PCDH15: variants seen among roughly 807,000 people sequenced by gnomAD.
The protein encoded by PCDH15 is protocadherin related 15, also known as protocadherin-15.
PCDH15 carries 129 observed loss-of-function variants against 178.5 expected under a neutral mutation model. The ratio of observed to expected loss-of-function variants is 0.72; its 90% CI spans 0.63 to 0.84. The LOEUF (loss-of-function observed/expected upper bound fraction) is 0.84. Among genes scored for constraint, PCDH15 ranks in the 40% least tolerant of loss-of-function variants. The pLI is 0.00. For missense variants in PCDH15, 2,230 were observed against 2,099.9 expected (o/e 1.06, Z -1.21); for synonymous variants, 800 against 732.0 (o/e 1.09, Z -1.50).
intron 13 of PCDH15, among the ~76,000 whole-genome samples, chr10:54,170,792 G>A (rs1177022312): frequency 7.2e-5 from 11 of 151,836 alleles, no homozygotes; most frequent in South Asian, 2.1e-4. Flanking sequence ...GGCAGGTTAT[G>A]CTATAGTACA....
chr10:54,280,255 T>C lies in PCDH15; in HGVS notation c.876+37016A>G, dbSNP rs377462101. ...TATTCATGTGGCTTCTGTGATTTTG[T>C]TAAACATTAATTAACAAAATTTCTA... is the stretch of plus-strand genomic sequence containing the variant. On this transcript the variant is annotated intron_variant, in intron 8 of 37. Coordinates refer to ENST00000644397, the MANE Select transcript of PCDH15 (RefSeq NM_001384140.1). Among the ~76,000 whole-genome samples the C allele has an allele frequency of 1.8e-4, 27 of 150,758 alleles. No homozygotes were observed. The East Asian group carries it at 4.5e-3, about 25-fold the overall frequency.
At chr10:55,533,043 T>C (rs1841488459) in intron 2 of PCDH15, among the ~76,000 whole-genome samples, 1 of 128,784 alleles carries the variant, frequency 7.8e-6, no homozygotes, top group Non-Finnish European at 1.6e-5. Context: ...AAATGAACAC[T>C]TGTCAAAGTA....
intron 1 of PCDH15, among the ~76,000 whole-genome samples, chr10:55,305,130 G>A (rs1209231587): frequency 6.6e-6 from 1 of 152,218 alleles, no homozygotes; most frequent in South Asian, 2.1e-4. Flanking sequence ...TGAACATTCT[G>A]ATCTATCTAT....
At chr10:54,278,650 A>G (rs1221875720) in intron 8 of PCDH15, among the ~76,000 whole-genome samples, 1 of 151,564 alleles carries the variant, frequency 6.6e-6, no homozygotes, top group Non-Finnish European at 1.5e-5. Context: ...GTATTTCTGA[A>G]GAAGCACTGG....
chr10:54,731,447 G>T (rs1591335648), intron 1 of PCDH15, among the ~76,000 whole-genome samples: 2 of 148,998 alleles, frequency 1.3e-5, no homozygotes, highest in Admixed American at 1.3e-4. Context: ...ATATTGAAGA[G>T]ATATCTTCAC....
rs71461291 is a variant in PCDH15 at position 55,330,838 on chromosome 10, A to ATGTGTGTGTGTGTGTGTGTGTGTG, written c.-155-164211_-155-164188dup. Among the ~76,000 whole-genome samples the ATGTGTGTGTGTGTGTGTGTGTGTG allele has an allele frequency of 2.8e-5, 4 of 144,718 alleles. No individual in the cohort carries two copies. The South Asian group carries it at 8.9e-4, about 32-fold the overall frequency. 94.9% of individuals were successfully genotyped at this position (144,718 alleles called of 152,430 possible). On this transcript the variant is annotated intron_variant, in intron 2 of 5. Transcript: ENST00000613346. Reference sequence around the variant, plus strand: ...CTCTCTTAAATAGATAGATTTATTTATGTGTGTGTGTGTGTGTGTGTGTGT... The same window carrying ATGTGTGTGTGTGTGTGTGTGTGTG: ...CTCTCTTAAATAGATAGATTTATTTATGTGTGTGTGTGTGTGTGTGTGTGTGTGTGTGTGTGTGTGTGTGTGTGT...
At chr10:55,225,667 G>GAGAA (rs1841013904) in intron 1 of PCDH15, among the ~76,000 whole-genome samples, 2 of 151,392 alleles carry the variant, frequency 1.3e-5, no homozygotes, top group Non-Finnish European at 2.9e-5. Flanking sequence ...GAGAGAGAGA[G>GAGAA]AGAGAAACGG....
intron 8 of PCDH15, among the ~76,000 whole-genome samples, chr10:54,254,198 G>C (rs1174434974): frequency 6.6e-6 from 1 of 152,050 alleles, no homozygotes; most frequent in Non-Finnish European, 1.5e-5. Flanking sequence ...AGGACCTACT[G>C]TCTCACCCCG....
At chr10:54,612,834 C>T (rs1018018361) in intron 2 of PCDH15, among the ~76,000 whole-genome samples, 5 of 151,658 alleles carry the variant, frequency 3.3e-5, no homozygotes, top group African/African-American at 1.2e-4. Context: ...AGTTTCTTAT[C>T]GTACCTGGTC....
chr10:54,419,826 G>C (rs1204955915), intron 3 of PCDH15, among the ~76,000 whole-genome samples: 2 of 152,206 alleles, frequency 1.3e-5, no homozygotes, highest in East Asian at 3.9e-4. Flanking sequence ...GGCAGAACAT[G>C]AGTGCAGATT....
rs897369613 is a variant in PCDH15, at chr10:53,990,678, C to T, written c.2868+4971G>A. Among the ~76,000 whole-genome samples, 6 of 152,106 alleles carry T rather than the reference C, an allele frequency of 3.9e-5. No homozygotes were observed. The East Asian group carries it at 5.8e-4, about 15-fold the overall frequency. On this transcript the variant is annotated intron_variant, in intron 21 of 37. Transcript: ENST00000644397. Reference sequence around the variant, plus strand: ...GCTGGTGGCCCTCACTTGCTCTCAGCGCCTCCTCGGACTCGGCGTCCACTC... The same window carrying T: ...GCTGGTGGCCCTCACTTGCTCTCAGTGCCTCCTCGGACTCGGCGTCCACTC...
At chr10:55,132,192 C>A (rs1305070648) in intron 2 of PCDH15, among the ~76,000 whole-genome samples, 1 of 152,196 alleles carries the variant, frequency 6.6e-6, no homozygotes, top group Non-Finnish European at 1.5e-5. Context: ...CCACTGCCAT[C>A]ACAATTGCTT....
chr10:55,208,893 T>C (rs1359046476), intron 1 of PCDH15, among the ~76,000 whole-genome samples: 1 of 152,036 alleles, frequency 6.6e-6, no homozygotes, highest in Non-Finnish European at 1.5e-5. Flanking sequence ...CTCCCTTATA[T>C]CAAGGAGATA....
chr10:54,593,102 G>C (rs972014219), intron 2 of PCDH15, among the ~76,000 whole-genome samples: 1 of 151,924 alleles, frequency 6.6e-6, no homozygotes, highest in African/African-American at 2.4e-5. Context: ...ATATACAGTT[G>C]CAAATATTTT....
intron 1 of PCDH15, among the ~76,000 whole-genome samples, chr10:54,734,864 A>AG (rs60431134): frequency 2.6e-5 from 3 of 116,512 alleles, no homozygotes; most frequent in Non-Finnish European, 5.5e-5. Flanking sequence ...ACTATAAGAA[A>AG]GAGAAAATTT....
chr10:54,494,099 G>C (rs915272488), intron 3 of PCDH15, among the ~76,000 whole-genome samples: 1 of 148,808 alleles, frequency 6.7e-6, no homozygotes, highest in Non-Finnish European at 1.5e-5. Context: ...GGTAGGGGGA[G>C]GGGGGAGGGA....
chr10:54,017,364 A>G (rs190260298), intron 20 of PCDH15, among the ~76,000 whole-genome samples: 169 of 152,288 alleles, frequency 1.1e-3, no homozygotes, highest in African/African-American at 3.8e-3. Flanking sequence ...ATGAGTTACA[A>G]TAACAAAGAC....
At chr10:54,814,320 T>C (rs752855129) in intron 3 of PCDH15, among the ~76,000 whole-genome samples, 3 of 152,198 alleles carry the variant, frequency 2.0e-5, no homozygotes, top group Non-Finnish European at 4.4e-5. Flanking sequence ...TACATGTTTA[T>C]TTAAATTCAT....
chr10:55,374,834 T>C (rs1845582732), intron 2 of PCDH15, among the ~76,000 whole-genome samples: 2 of 152,056 alleles, frequency 1.3e-5, no homozygotes, highest in South Asian at 4.2e-4. Flanking sequence ...TGGCATTCCA[T>C]AAATATGATT....
Sources: gnomAD v4.1 joint callset for allele counts (sites outside exome capture counted in the v4.1 genomes callset) on GRCh38, gnomAD v4.1.1 for gene constraint, MANE v1.5 for transcripts, NCBI Gene and HGNC (gene_info 2026-07-23, HGNC 2026-07-21) for gene names.